RALGDS: variants seen among roughly 807,000 people sequenced by gnomAD.
The protein encoded by RALGDS is ral guanine nucleotide exchange factor.
Under a neutral mutation model 99.8 loss-of-function variants are expected in RALGDS, and 44 were observed. The observed-to-expected ratio is 0.44, with a 90% confidence interval of 0.35 to 0.57. The LOEUF is 0.57. Ranked by LOEUF, RALGDS falls within the 20% of genes least tolerant of loss-of-function variation. The probability of loss-of-function intolerance (pLI) is 0.01; values close to 1 mark genes in which losing one functional copy is unlikely to be tolerated. For synonymous variants in RALGDS, 529 were observed against 505.0 expected (o/e 1.05, Z -0.64); for missense variants, 1,022 against 1,203.1 (o/e 0.85, Z 2.23).
chr9:133,131,447 C>CA (rs1564251743), upstream of RALGDS, among the ~76,000 whole-genome samples: 1 of 152,096 alleles, frequency 6.6e-6, no homozygotes, highest in Non-Finnish European at 1.5e-5. Context: ...CCCAAGTCCT[C>CA]ACCTGCCCAC....
intron 17 of RALGDS, chr9:133,099,136 C>G (rs1830628543): frequency 3.7e-6 from 1 of 271,838 alleles, no homozygotes; most frequent in South Asian, 4.3e-5. Flanking sequence ...ATCCAAGGAC[C>G]AGGAAAGGAC....
chr9:133,137,329 A>G (rs186704890), intron 1 of RALGDS, among the ~76,000 whole-genome samples: 133 of 152,396 alleles, frequency 8.7e-4, no homozygotes, highest in Admixed American at 2.5e-3. Flanking sequence ...TCTGTTCCCC[A>G]GGGTCCTGAT....
At chr9:133,143,636 GC>G (rs989689795) in intron 1 of RALGDS, among the ~76,000 whole-genome samples, 1 of 151,494 alleles carries the variant, frequency 6.6e-6, no homozygotes, top group Non-Finnish European at 1.5e-5. Context: ...TGCACCTGCC[GC>G]CCCAGCTACT....
Position 133,144,531 on chromosome 9 carries a change from G to A in RALGDS, c.18+4432C>T, listed in dbSNP as rs1452681743. 1.3e-5 allele frequency among the ~76,000 whole-genome samples: 2 copies of A among 152,232 alleles called. No homozygotes were observed. Among genetic ancestry groups the A allele is most frequent in the East Asian group, 1.9e-4 (1 of 5,190 alleles). ...GCTGTGCGCAAGCTCCTCGCGACCCGAAAGCGAGACCTTTGTCTGCGGCAG... is the reference window on the plus strand; with the variant it reads ...GCTGTGCGCAAGCTCCTCGCGACCCAAAAGCGAGACCTTTGTCTGCGGCAG... On this transcript the variant is annotated intron_variant, in intron 1 of 17. Transcript: ENST00000393160. The surrounding 1 kb of genome is among the most constrained non-coding windows in gnomAD (Gnocchi z 4.5).
chr9:133,103,604 TGTGTTTGGGCAGCCCTGGG>T lies in RALGDS; in HGVS notation c.1758+124_1758+142del, dbSNP rs1342063516. 4 of 898,436 alleles carry T rather than the reference TGTGTTTGGGCAGCCCTGGG, an allele frequency of 4.5e-6. No individual in the cohort carries two copies. In the East Asian group the frequency reaches 9.7e-5, roughly 22 times the overall value. The allele number at this position is 898,436 out of a possible 1,614,324, so 55.7% of individuals were successfully genotyped here. A position where few individuals can be genotyped will look rare whatever the true frequency, so the allele number is the denominator to read the frequency against. Reference sequence around the variant, plus strand: ...ACTCAGCCAAACCCTGCTGCAGCTCTGTGTTTGGGCAGCCCTGGGGTGTCACCAGCAGGGCACTGAGCTG... The same window carrying T: ...ACTCAGCCAAACCCTGCTGCAGCTCTGTGTCACCAGCAGGGCACTGAGCTG... On this transcript the variant is annotated intron_variant, in intron 11 of 17. Coordinates refer to ENST00000372050, the MANE Select transcript of RALGDS (RefSeq NM_006266.4).
chr9:133,118,783 T>C (rs1831750523), intron 1 of RALGDS, among the ~76,000 whole-genome samples: 1 of 152,184 alleles, frequency 6.6e-6, no homozygotes, highest in Non-Finnish European at 1.5e-5. Flanking sequence ...CTGCACACAG[T>C]AGGTGCCACA....
At chr9:133,134,770 C>T (rs1832398227), upstream of RALGDS, among the ~76,000 whole-genome samples, 1 of 152,168 alleles carries the variant, frequency 6.6e-6, no homozygotes, top group Admixed American at 6.5e-5. Flanking sequence ...GAGTCAACAA[C>T]CCTCTGATAA....
In RALGDS at chr9:133,098,088, G is replaced by A. The variant is rs1391955512; in HGVS notation, c.*499C>T. The stretch of plus-strand genomic sequence containing the variant: ...GGTGGGTGAGACTCCCTCACTCTCA[G>A]TTGGCCCTGATGATGGAATCTTTGG... On this transcript the variant is annotated 3_prime_UTR_variant, in exon 18 of 18. Transcript: ENST00000372050. 4.1e-5 allele frequency: 11 copies of A among 271,206 alleles called. No homozygotes were observed. Among genetic ancestry groups the A allele is most frequent in the Non-Finnish European group, 6.4e-5 (9 of 139,964 alleles). The allele number at this position is 271,206 out of a possible 1,614,324, so 16.8% of individuals were successfully genotyped here.
In RALGDS at chr9:133,109,731, A is replaced by C. The variant is rs1164293959; in HGVS notation, c.489-10T>G. 6.2e-7 allele frequency: 1 copy of C among 1,608,998 alleles called. No individual in the cohort carries two copies. Among genetic ancestry groups the C allele is most frequent in the Non-Finnish European group, 8.5e-7 (1 of 1,175,742 alleles). On this transcript the variant is annotated splice_polypyrimidine_tract_variant and intron_variant, in intron 3 of 17. Coordinates refer to ENST00000372050, the MANE Select transcript of RALGDS (RefSeq NM_006266.4). The stretch of plus-strand genomic sequence containing the variant: ...GTCACATCTACCGTACCTGCTTATG[A>C]CGTCTAGTGTTACTGTCTGACTCTC...
chr9:133,103,040 C>T, intron 12 of RALGDS, 140 bp from the exon 13 acceptor site: 3 of 1,432,582 alleles, frequency 2.1e-6, no homozygotes, highest in South Asian at 1.2e-5. Flanking sequence ...TGGGCTCAGC[C>T]ACTCCCCAGG....
rs564501607 is a variant in RALGDS at position 133,144,800 on chromosome 9, C to T, written c.18+4163G>A. On this transcript the variant is annotated intron_variant, in intron 1 of 17. Coordinates refer to the RALGDS transcript ENST00000393160. This position sits in a 1 kb window ranked among gnomAD's most constrained non-coding sequence, Gnocchi z 4.5. The stretch of plus-strand genomic sequence containing the variant: ...ACTCCTGTTACGGGTTGAACTGTGT[C>T]CCTGAACAAAAAGATCTCTGGTACC... Among the ~76,000 whole-genome samples the T allele has an allele frequency of 8.5e-5, 13 of 152,308 alleles. No individual in the cohort carries two copies. The highest frequency in any genetic ancestry group is 2.6e-4 in the African/African-American group (11 of 41,568).
chr9:133,103,788 C>A lies in RALGDS; in HGVS notation c.1717G>T (p.Asp573Tyr). ...ATGGCAGTGTCCAGCATCACCAGGT[C>A]GGTGAGGAACGTGCCCAGGTAGGGA... is the stretch of plus-strand genomic sequence containing the variant. ...TVPYLGTFLT[D>Y]LVMLDTAMKD... Residue 573 changes from aspartate (D) to tyrosine (Y), a missense_variant, in exon 11 of 18, where the codon GAC becomes TAC. Asp to Tyr is a radical substitution (Grantham distance 160). Coordinates refer to ENST00000372050, the MANE Select transcript of RALGDS (RefSeq NM_006266.4). 1.9e-6 allele frequency: 3 copies of A among 1,613,378 alleles called. No individual in the cohort carries two copies. In the South Asian group the frequency reaches 3.3e-5, roughly 18 times the overall value.
intron 1 of RALGDS, among the ~76,000 whole-genome samples, chr9:133,141,042 C>T (rs1034906736): frequency 1.3e-5 from 2 of 152,184 alleles, no homozygotes; most frequent in African/African-American, 4.8e-5. Context: ...GGGCACACCC[C>T]TTGCCCATTT....
In RALGDS at chr9:133,106,761, G is replaced by T. The variant is rs1164095979; in HGVS notation, c.1414-13C>A. 8.2e-6 allele frequency: 13 copies of T among 1,586,152 alleles called. No individual in the cohort carries two copies. The highest frequency in any genetic ancestry group is 1.3e-5 in the African/African-American group (1 of 74,336). The stretch of plus-strand genomic sequence containing the variant: ...GGATCCGGCACTCCTGGGGCGGGAA[G>T]AGCAGGAGGCATGAGGTGGGGCTGG... On this transcript the variant is annotated splice_polypyrimidine_tract_variant and intron_variant, in intron 7 of 17. Transcript: ENST00000372050.
rs546836028 is a variant in RALGDS at position 133,128,320 on chromosome 9, G to A, written c.132+2632C>T. Among the ~76,000 whole-genome samples the A allele has an allele frequency of 2.6e-5, 4 of 152,326 alleles. No homozygotes were observed. In the South Asian group the frequency reaches 6.2e-4, roughly 24 times the overall value. On this transcript the variant is annotated intron_variant, in intron 1 of 17. Coordinates refer to the RALGDS transcript ENST00000372062. ...AAGCGAGGAGACAGGGCGCAGAGGG[G>A]CTGCGGGGGGTGCTGGGCACACCTG... is the stretch of plus-strand genomic sequence containing the variant.
intron 11 of RALGDS, 67 bp downstream of exon 11, chr9:133,103,680 C>T (rs1037445960): frequency 6.6e-7 from 1 of 1,520,208 alleles, no homozygotes; most frequent in Non-Finnish European, 9.1e-7. Flanking sequence ...TGTGGCAGCC[C>T]AGCCCCCAGG....
intron 1 of RALGDS, among the ~76,000 whole-genome samples, chr9:133,113,100 T>TC (rs1171131780): frequency 6.6e-6 from 1 of 152,146 alleles, no homozygotes; most frequent in Non-Finnish European, 1.5e-5. Context: ...TGCCACCTGC[T>TC]CTGTCCAGGG....
upstream of RALGDS, among the ~76,000 whole-genome samples, chr9:133,124,998 T>A (rs149115122): frequency 6.6e-6 from 1 of 152,328 alleles, no homozygotes; most frequent in East Asian, 1.9e-4. Context: ...TGTGGGAACC[T>A]CTATGGGACA....
At chr9:133,124,192 CCA>C (rs926466238), upstream of RALGDS, among the ~76,000 whole-genome samples, 1 of 113,984 alleles carries the variant, frequency 8.8e-6, no homozygotes, top group Non-Finnish European at 1.9e-5. Context: ...ACACACAGAC[CCA>C]CAGAGACACA....
Sources: gnomAD v4.1 joint callset for allele counts (sites outside exome capture counted in the v4.1 genomes callset) on GRCh38, gnomAD v4.1.1 for gene constraint, Gnocchi (gnomAD v3.1) non-coding constraint, MANE v1.5 for transcripts, NCBI Gene and HGNC (gene_info 2026-07-23, HGNC 2026-07-21) for gene names.